DPP4: variants seen among roughly 807,000 people sequenced by gnomAD.
DPP4 encodes dipeptidyl peptidase 4.
In DPP4, 93 loss-of-function variants were observed where a neutral mutation model predicts 122.4. The ratio of observed to expected loss-of-function variants is 0.76; its 90% CI spans 0.64 to 0.90. The LOEUF (loss-of-function observed/expected upper bound fraction) is 0.90. Among genes scored for constraint, DPP4 ranks in the 40% least tolerant of loss-of-function variants. The pLI, the probability that DPP4 is intolerant of heterozygous loss-of-function variation, is 0.00. For synonymous variants in DPP4, 321 were observed against 302.9 expected, an observed-to-expected ratio of 1.06 and a Z score of -0.62; for missense variants, 914 against 907.3, an observed-to-expected ratio of 1.01 and a Z score of -0.09.
intron 22 of DPP4, 32 bp downstream of exon 22, chr2:162,008,530 G>A (rs143706793): frequency 3.7e-5 from 58 of 1,579,336 alleles, no homozygotes; most frequent in African/African-American, 2.0e-4. Flanking sequence ...TCAACACTCC[G>A]TATCTCTTTG....
intron 2 of DPP4, among the ~76,000 whole-genome samples, chr2:162,068,457 C>A (rs1685018119): frequency 6.6e-6 from 1 of 152,110 alleles, no homozygotes; most frequent in South Asian, 2.1e-4. Flanking sequence ...GTCATTGGAG[C>A]CAGCCTCCAT....
chr2:162,023,604 A>G (rs1271445863), intron 11 of DPP4, among the ~76,000 whole-genome samples: 3 of 152,164 alleles, frequency 2.0e-5, no homozygotes, highest in Non-Finnish European at 4.4e-5. Flanking sequence ...AGGCTACTCT[A>G]TAGCTCTCCC....
intron 14 of DPP4, 118 bp from the exon 15 acceptor site, chr2:162,019,394 C>A: frequency 4.8e-6 from 3 of 620,204 alleles, no homozygotes; most frequent in Non-Finnish European, 8.1e-6. Flanking sequence ...GGGTGCCCGC[C>A]GCCCTCCGCC....
chr2:162,035,318 A>C lies in DPP4; in HGVS notation c.620T>G (p.Val207Gly). Residue 207 changes from valine to glycine, a missense_variant, in exon 9 of 26, where the codon GTC (valine) becomes GGC (glycine). Transcript: ENST00000360534. ...GITDWVYEEE[V>G]FSAYSALWWS... is the part of the protein sequence containing the mutation. ...CCACAGAGCAGAGTAGGCACTGAAG[A>C]CTTCCTCTGAAAAAAGACACAAATT... 6.2e-7 allele frequency: 1 copy of C among 1,608,684 alleles called. No individual in the cohort carries two copies. Among genetic ancestry groups the C allele is most frequent in the Non-Finnish European group, 8.5e-7 (1 of 1,178,596 alleles).
At chr2:162,051,260 T>C (rs1684372852) in intron 2 of DPP4, among the ~76,000 whole-genome samples, 2 of 152,178 alleles carry the variant, frequency 1.3e-5, no homozygotes, top group East Asian at 1.9e-4. Flanking sequence ...GTCAAAATCA[T>C]TTCTGAAAAA....
intron 2 of DPP4, among the ~76,000 whole-genome samples, chr2:162,047,870 A>T (rs1684245233): frequency 6.6e-6 from 1 of 152,354 alleles, no homozygotes; most frequent in South Asian, 2.1e-4. Context: ...ATTTAGCCCA[A>T]TACATCCAAA....
chr2:161,994,980 C>A lies in DPP4; in HGVS notation c.2180G>T (p.Gly727Val). ...CTATACCATTGCCTGGAAATCCACT[C>A]CAACATCGACCAGGGCTTTGGAGAT... The part of the protein sequence containing the change: ...AQISKALVDV[G>V]VDFQAMWYTD... Residue 727 changes from glycine (G) to valine (V), a missense_variant, in exon 25 of 26, where the codon GGA becomes GTA. Transcript: ENST00000360534. 6.2e-7 allele frequency: 1 copy of A among 1,614,066 alleles called. No individual in the cohort carries two copies. Among genetic ancestry groups the A allele is most frequent in the South Asian group, 1.1e-5 (1 of 91,068 alleles).
At chr2:162,036,345 A>G (rs976725695) in intron 8 of DPP4, among the ~76,000 whole-genome samples, 7 of 152,218 alleles carry the variant, frequency 4.6e-5, no homozygotes, top group African/African-American at 1.7e-4. Flanking sequence ...TTACTGTAAT[A>G]AAATGTAATA....
intron 22 of DPP4, 107 bp downstream of exon 22, chr2:162,008,455 C>T (rs1182768888): frequency 1.0e-5 from 9 of 876,632 alleles, no homozygotes; most frequent in Admixed American, 7.7e-5. Flanking sequence ...GATGAATCAG[C>T]CTATTATTCG....
rs549381345 is a variant in DPP4, at chr2:162,043,482, T to C, written c.366+2050A>G. Among the ~76,000 whole-genome samples, 336 of 152,280 alleles carry C rather than the reference T, an allele frequency of 2.2e-3. 1 individual carries two copies. Among genetic ancestry groups the C allele is most frequent in the African/African-American group, 7.7e-3 (319 of 41,548 alleles). On this transcript the variant is annotated intron_variant, in intron 5 of 25. Coordinates refer to ENST00000360534, the MANE Select transcript of DPP4 (RefSeq NM_001935.4). ...AGTGAAAAAAGCAAAAGCAGTTAAA[T>C]ACACGGGTAAACTCCAGTGACACAA... is the stretch of plus-strand genomic sequence containing the variant.
intron 2 of DPP4, among the ~76,000 whole-genome samples, chr2:162,059,526 G>A (rs1309270826): frequency 6.6e-6 from 1 of 152,228 alleles, no homozygotes; most frequent in Non-Finnish European, 1.5e-5. Context: ...CAGTTGCAGT[G>A]AGACTTCAGT....
In DPP4 at chr2:162,057,449, A is replaced by G. The variant is rs78947105; in HGVS notation, c.95-9948T>C. Among the ~76,000 whole-genome samples, 1,105 of 152,318 alleles carry G rather than the reference A, an allele frequency of 7.3e-3. 13 individuals are homozygous for G. Among genetic ancestry groups the G allele is most frequent in the African/African-American group, 0.025 (1,054 of 41,576 alleles). On this transcript the variant is annotated intron_variant, in intron 2 of 25. Transcript: ENST00000360534. ...GCAGGATTCTTGCTAGGTTCTGTTA[A>G]TAGGAGAAAATAGAGAAAAAATTGG...
intron 10 of DPP4, among the ~76,000 whole-genome samples, chr2:162,028,254 C>T (rs1377507896): frequency 2.6e-5 from 4 of 151,846 alleles, no homozygotes; most frequent in South Asian, 2.1e-4. Flanking sequence ...CCCAGCTACT[C>T]GGGAGGCTGA....
At chr2:162,015,279 T>A (rs1214006612) in intron 18 of DPP4, among the ~76,000 whole-genome samples, 1 of 152,238 alleles carries the variant, frequency 6.6e-6, no homozygotes, top group Non-Finnish European at 1.5e-5. Flanking sequence ...TTTTTGTTTA[T>A]GTTTGTTACG....
chr2:162,018,587 T>C, intron 16 of DPP4, 142 bp downstream of exon 16: 2 of 1,088,514 alleles, frequency 1.8e-6, no homozygotes, highest in Non-Finnish European at 2.5e-6. Context: ...AAAGATTGTT[T>C]ATGCTCACTA....
At chr2:162,062,446 T>C (rs1054182910) in intron 2 of DPP4, among the ~76,000 whole-genome samples, 42 of 152,222 alleles carry the variant, frequency 2.8e-4, no homozygotes, top group Non-Finnish European at 4.8e-4. Context: ...TGCTGAGTTC[T>C]CTGTTCAAAG....
intron 2 of DPP4, among the ~76,000 whole-genome samples, chr2:162,062,993 A>G (rs932341118): frequency 4.6e-5 from 7 of 152,038 alleles, no homozygotes; most frequent in Admixed American, 6.6e-5. Context: ...TAAGAAAAAA[A>G]AAAAGAGAGA....
intron 2 of DPP4, among the ~76,000 whole-genome samples, chr2:162,065,135 C>T (rs900805984): frequency 1.3e-5 from 2 of 152,204 alleles, no homozygotes; most frequent in Admixed American, 6.5e-5. Context: ...GGTTCAATCA[C>T]GGCAATTCAT....
In DPP4 at chr2:162,035,232, T is replaced by C. The variant is rs1303283496; in HGVS notation, c.706A>G (p.Ile236Val). ...TCATCAGAGTAGAAGGAGTATTCAA[T>C]AAGTGGGACTTCTGTGTCGTTAAAT... Reference protein sequence around the residue: ...AQFNDTEVPLIEYSFYSDESL... With the variant: ...AQFNDTEVPLVEYSFYSDESL... Residue 236 changes from isoleucine to valine, a missense_variant, in exon 9 of 26, where the codon ATT becomes GTT. Ile to Val is a conservative substitution (Grantham distance 29). Coordinates refer to ENST00000360534, the MANE Select transcript of DPP4 (RefSeq NM_001935.4). 1.9e-6 allele frequency: 3 copies of C among 1,613,980 alleles called. No individual in the cohort carries two copies. The African/African-American group carries it at 4.0e-5, about 22-fold the overall frequency.
Sources: gnomAD v4.1 joint callset for allele counts (sites outside exome capture counted in the v4.1 genomes callset) on GRCh38, gnomAD v4.1.1 for gene constraint, MANE v1.5 for transcripts, NCBI Gene and HGNC (gene_info 2026-07-23, HGNC 2026-07-21) for gene names.